Variants in DCAF6 observed in about 807,000 individuals in gnomAD.
DCAF6 encodes the protein DDB1 and CUL4 associated factor 6.
In DCAF6, 54 loss-of-function variants were observed where a neutral mutation model predicts 125.1. That is an observed-to-expected ratio of 0.43 (90% CI 0.35 to 0.54). The LOEUF (loss-of-function observed/expected upper bound fraction) is 0.54, where lower values mean the gene tolerates loss of function less well. Ranked by LOEUF, DCAF6 falls within the 20% of genes least tolerant of loss-of-function variation. The pLI is 0.01. For missense variants in DCAF6, 934 were observed against 1,161.7 expected (o/e 0.80, Z 2.85); for synonymous variants, 371 against 390.4 (o/e 0.95, Z 0.58).
At chr1:168,027,675 G>A (rs1402803234) in intron 12 of DCAF6, among the ~76,000 whole-genome samples, 1 of 151,948 alleles carries the variant, frequency 6.6e-6, no homozygotes, top group African/African-American at 2.4e-5. Flanking sequence ...TTACTTGGAA[G>A]GATTACCAAG....
chr1:168,022,255 A>G (rs1298438275), intron 11 of DCAF6, among the ~76,000 whole-genome samples: 1 of 152,246 alleles, frequency 6.6e-6, no homozygotes, highest in Non-Finnish European at 1.5e-5. Context: ...AAATTCTTAC[A>G]TAGAAACCCA....
chr1:168,036,306 A>G (rs765137150), intron 12 of DCAF6, among the ~76,000 whole-genome samples: 2 of 152,218 alleles, frequency 1.3e-5, no homozygotes, highest in African/African-American at 4.8e-5. Context: ...TATCATTTAA[A>G]TTCCACAAGG....
Position 167,987,700 on chromosome 1 carries a change from TAAAAG to T in DCAF6, c.552+93_552+97del, listed in dbSNP as rs1188343150. On this transcript the variant is annotated intron_variant, in intron 5 of 21. Coordinates refer to ENST00000367840, the MANE Select transcript of DCAF6 (RefSeq NM_001198956.2). ...TTAAAGTTATAATTAAGGTTATAAT[TAAAAG>T]TAAGTTATGTGGATGGTAAGATTAT... 38 of 655,766 alleles carry T rather than the reference TAAAAG, an allele frequency of 5.8e-5. No homozygotes were observed. The South Asian group carries it at 6.8e-4, about 12-fold the overall frequency. The allele number at this position is 655,766 out of a possible 1,614,324, so 40.6% of individuals were successfully genotyped here. A position where few individuals can be genotyped will look rare whatever the true frequency, so the allele number is the denominator to read the frequency against.
chr1:168,010,413 T>G (rs1357338610), intron 10 of DCAF6, among the ~76,000 whole-genome samples: 1 of 152,096 alleles, frequency 6.6e-6, no homozygotes, highest in Non-Finnish European at 1.5e-5. Context: ...CAGTGTTGGC[T>G]TTGGAGTTTT....
At chr1:167,913,714 G>T in the DCAF6 span, among the ~76,000 whole-genome samples, 1 of 150,954 alleles carries the variant, frequency 6.6e-6, no homozygotes, top group South Asian at 2.2e-4. Flanking sequence ...AGGATATCAC[G>T]TGAGAAACTG....
chr1:168,065,842 T>A, intron 19 of DCAF6, 96 bp downstream of exon 19: 1 of 1,167,720 alleles, frequency 8.6e-7, no homozygotes. Flanking sequence ...ATTATAAGAA[T>A]AATCCAAACT....
chr1:167,869,156 A>G, the DCAF6 span, among the ~76,000 whole-genome samples: 2 of 152,224 alleles, frequency 1.3e-5, no homozygotes, highest in African/African-American at 4.8e-5. Flanking sequence ...CCCTGAAGCC[A>G]TGTTTAGAAG....
chr1:167,911,908 A>T, the DCAF6 span, among the ~76,000 whole-genome samples: 1 of 152,236 alleles, frequency 6.6e-6, no homozygotes, highest in African/African-American at 2.4e-5. Flanking sequence ...AAGTACATGC[A>T]TTTTGAGATT....
intron 1 of DCAF6, among the ~76,000 whole-genome samples, chr1:167,937,640 A>C (rs1671517053): frequency 6.6e-6 from 1 of 151,676 alleles, no homozygotes; most frequent in African/African-American, 2.4e-5. Flanking sequence ...TCCTCTTCCC[A>C]CCCCTGGAAA....
At chr1:168,026,932 A>G (rs1341260447) in intron 12 of DCAF6, among the ~76,000 whole-genome samples, 1 of 152,142 alleles carries the variant, frequency 6.6e-6, no homozygotes, top group Non-Finnish European at 1.5e-5. Context: ...GCACTACAGG[A>G]GCAAGTAGAG....
chr1:167,902,970 A>T, the DCAF6 span, among the ~76,000 whole-genome samples: 1 of 152,178 alleles, frequency 6.6e-6, no homozygotes, highest in African/African-American at 2.4e-5. Context: ...AAATACTTGG[A>T]TAGGCCAGGC....
At chr1:167,912,426 C>T in the DCAF6 span, among the ~76,000 whole-genome samples, 2 of 152,206 alleles carry the variant, frequency 1.3e-5, no homozygotes, top group Non-Finnish European at 2.9e-5. Context: ...CATACTCCCA[C>T]GTGTGTAGAA....
At chr1:167,907,533 C>T in the DCAF6 span, among the ~76,000 whole-genome samples, 3 of 152,162 alleles carry the variant, frequency 2.0e-5, no homozygotes, top group African/African-American at 7.2e-5. Flanking sequence ...TTCACTTTTA[C>T]TCATGGCATT....
intron 7 of DCAF6, among the ~76,000 whole-genome samples, chr1:167,996,616 A>G (rs542691228): frequency 6.6e-6 from 1 of 152,320 alleles, no homozygotes; most frequent in Non-Finnish European, 1.5e-5. Flanking sequence ...TCAACATTCT[A>G]AGTGGCTCCC....
rs1158144198 is a variant in DCAF6 at position 167,960,744 on chromosome 1, AT to A, written c.160-5884del. Among the ~76,000 whole-genome samples, 26 of 152,304 alleles carry A rather than the reference AT, an allele frequency of 1.7e-4. No individual in the cohort carries two copies. In the East Asian group the frequency reaches 4.8e-3, roughly 28 times the overall value. On this transcript the variant is annotated intron_variant, in intron 2 of 21. Coordinates refer to ENST00000367840, the MANE Select transcript of DCAF6 (RefSeq NM_001198956.2). The stretch of plus-strand genomic sequence containing the variant: ...TAAAGTGTATTTTAAGGCCTCAAAT[AT>A]GGTCTGTCTTGGTAAATGTTCCATG...
At chr1:167,998,448 G>T (rs1203721544) in intron 7 of DCAF6, among the ~76,000 whole-genome samples, 1 of 152,074 alleles carries the variant, frequency 6.6e-6, no homozygotes, top group Non-Finnish European at 1.5e-5. Context: ...TGAAGTTTCT[G>T]CATCGATAGA....
At chr1:167,887,061 G>T in the DCAF6 span, among the ~76,000 whole-genome samples, 1 of 152,288 alleles carries the variant, frequency 6.6e-6, no homozygotes, top group Non-Finnish European at 1.5e-5. Context: ...TGCTGGAGAG[G>T]ATGTGGAGAA....
At chr1:167,873,308 A>G in the DCAF6 span, among the ~76,000 whole-genome samples, 2 of 152,146 alleles carry the variant, frequency 1.3e-5, no homozygotes, top group Non-Finnish European at 2.9e-5. Flanking sequence ...CCTGAAAACT[A>G]CCTGAAAGCA....
At chr1:168,071,645 A>G (rs909957938) in intron 21 of DCAF6, among the ~76,000 whole-genome samples, 3 of 152,170 alleles carry the variant, frequency 2.0e-5, no homozygotes, top group Non-Finnish European at 2.9e-5. Flanking sequence ...AACAAAACCA[A>G]AATCAGGCAG....
Sources: gnomAD v4.1 joint callset for allele counts (sites outside exome capture counted in the v4.1 genomes callset) on GRCh38, gnomAD v4.1.1 for gene constraint, MANE v1.5 for transcripts, NCBI Gene and HGNC (gene_info 2026-07-23, HGNC 2026-07-21) for gene names.